RNF216: variants seen among roughly 807,000 people sequenced by gnomAD.
RNF216 encodes E3 ubiquitin-protein ligase RNF216.
Under a neutral mutation model 110.8 loss-of-function variants are expected in RNF216, and 72 were observed. That is an observed-to-expected ratio of 0.65 (90% confidence interval 0.54 to 0.79). The LOEUF (loss-of-function observed/expected upper bound fraction) is 0.79, where lower values mean the gene tolerates loss of function less well. Among genes scored for constraint, RNF216 ranks in the 30% least tolerant of loss-of-function variants. The probability of loss-of-function intolerance (pLI) is 0.00; values close to 1 mark genes in which losing one functional copy is unlikely to be tolerated. For missense variants in RNF216, 1,342 were observed against 1,141.2 expected, an observed-to-expected ratio of 1.18 and a Z score of -2.54; for synonymous variants, 495 against 407.5, an observed-to-expected ratio of 1.21 and a Z score of -2.59.
At chr7:5,779,564 G>A (rs12668235) in intron 1 of RNF216, among the ~76,000 whole-genome samples, 51,947 of 151,222 alleles carry the variant, frequency 0.34, 10,321 homozygotes, top group East Asian at 0.76. Context: ...TTCTGGCAGA[G>A]CACGGTGGCT....
chr7:5,747,306 G>C (rs1420441682), intron 3 of RNF216, among the ~76,000 whole-genome samples: 2 of 152,144 alleles, frequency 1.3e-5, no homozygotes, highest in Non-Finnish European at 2.9e-5. Context: ...ATGATCCTAG[G>C]ATACCTGACT....
At chr7:5,649,179 C>T (rs1475521177) in intron 14 of RNF216, among the ~76,000 whole-genome samples, 2 of 151,952 alleles carry the variant, frequency 1.3e-5, no homozygotes, top group African/African-American at 4.8e-5. Flanking sequence ...GTCAGGAGTT[C>T]GAGACCAGCT....
At chr7:5,693,817 C>G (rs1791472826) in intron 13 of RNF216, among the ~76,000 whole-genome samples, 1 of 152,116 alleles carries the variant, frequency 6.6e-6, no homozygotes, top group African/African-American at 2.4e-5. Context: ...CCAGGCAGCC[C>G]AGGCATGCAA....
At position 5,731,915 on chromosome 7, in the gene RNF216, A is replaced by C. The variant is rs17135721; in HGVS notation, c.1122-1098T>G. On this transcript the variant is annotated intron_variant, in intron 5 of 16. Coordinates refer to ENST00000389902, the MANE Select transcript of RNF216 (RefSeq NM_207111.4). Reference sequence around the variant, plus strand: ...TTTGGGGACCGGTTTGGAGAGGTTCATTGATTCTGCAGCCCCCGCCGGGGA... The same window carrying C: ...TTTGGGGACCGGTTTGGAGAGGTTCCTTGATTCTGCAGCCCCCGCCGGGGA... Among the ~76,000 whole-genome samples, 636 of 152,144 alleles carry C rather than the reference A, an allele frequency of 4.2e-3. 34 individuals are homozygous for C. Among genetic ancestry groups the C allele is most frequent in the African/African-American group, 0.014 (562 of 41,448 alleles).
At chr7:5,689,939 A>C (rs566068856) in intron 13 of RNF216, among the ~76,000 whole-genome samples, 17 of 151,492 alleles carry the variant, frequency 1.1e-4, no homozygotes, top group Middle Eastern at 3.4e-3. Context: ...TCAAACAAAA[A>C]AAAAAAAAGA....
intron 3 of RNF216, among the ~76,000 whole-genome samples, chr7:5,742,586 C>CTTTTTT (rs59545890): frequency 4.5e-5 from 3 of 65,996 alleles, no homozygotes; most frequent in Non-Finnish European, 5.5e-5. Flanking sequence ...GGTGAAAAAT[C>CTTTTTT]TTTTTTTTTT....
intron 2 of RNF216, among the ~76,000 whole-genome samples, chr7:5,755,191 A>G (rs1225076581): frequency 1.5e-5 from 2 of 134,396 alleles, no homozygotes; most frequent in Non-Finnish European, 3.3e-5. Context: ...GGAAGAAGGA[A>G]GGAAGGAAGG....
chr7:5,700,989 G>A (rs138562077), intron 13 of RNF216, among the ~76,000 whole-genome samples: 19 of 152,230 alleles, frequency 1.2e-4, no homozygotes, highest in Non-Finnish European at 2.8e-4. Context: ...TCTTCTGAAT[G>A]TCATCCCTGA....
chr7:5,703,784 A>T (rs1310078420), intron 13 of RNF216, among the ~76,000 whole-genome samples: 1 of 152,234 alleles, frequency 6.6e-6, no homozygotes, highest in Admixed American at 6.5e-5. Flanking sequence ...TCTCGTCGTT[A>T]GCGCTTGCTT....
At chr7:5,741,858 GCCTATCCCT>G in intron 3 of RNF216, 43 bp from the exon 4 acceptor site, 1 of 1,549,794 alleles carries the variant, frequency 6.5e-7, no homozygotes, top group Non-Finnish European at 8.7e-7. Context: ...TCTTTCCTAT[GCCTATCCCT>G]CCTTATGTAC....
intron 13 of RNF216, among the ~76,000 whole-genome samples, chr7:5,670,439 T>C (rs1789831261): frequency 6.6e-6 from 1 of 152,206 alleles, no homozygotes; most frequent in Admixed American, 6.5e-5. Context: ...AGTGCTGAAC[T>C]GGTGGTTGGG....
chr7:5,682,436 C>A (rs1278890000), intron 13 of RNF216, among the ~76,000 whole-genome samples: 2 of 146,542 alleles, frequency 1.4e-5, no homozygotes, highest in East Asian at 3.9e-4. Flanking sequence ...TTGAGACAGT[C>A]TCACTCTGTT....
intron 13 of RNF216, among the ~76,000 whole-genome samples, chr7:5,689,130 A>G (rs1285186914): frequency 6.6e-6 from 1 of 152,098 alleles, no homozygotes; most frequent in Non-Finnish European, 1.5e-5. Context: ...GTGAGCCAAT[A>G]TGCAGAACCA....
At chr7:5,780,237 T>C (rs1175766304) in intron 1 of RNF216, 3 of 152,220 alleles carry the variant, frequency 2.0e-5, no homozygotes, top group Non-Finnish European at 4.4e-5. Context: ...AACCCCATTT[T>C]TGAGGCACAG....
chr7:5,695,139 C>T (rs1374405399), intron 13 of RNF216, among the ~76,000 whole-genome samples: 2 of 152,202 alleles, frequency 1.3e-5, no homozygotes, highest in Non-Finnish European at 2.9e-5. Context: ...GAAGTTAGCA[C>T]TTAACCTATC....
intron 13 of RNF216, among the ~76,000 whole-genome samples, chr7:5,701,274 C>G (rs1473912259): frequency 6.6e-6 from 1 of 152,182 alleles, no homozygotes; most frequent in East Asian, 1.9e-4. Context: ...CACTGGGGAG[C>G]TGGTAGAAAT....
chr7:5,714,722 T>C (rs1380924202), intron 11 of RNF216, among the ~76,000 whole-genome samples: 1 of 152,058 alleles, frequency 6.6e-6, no homozygotes, highest in African/African-American at 2.4e-5. Flanking sequence ...AAGTAAGTTA[T>C]GTTATTTTAA....
chr7:5,669,562 A>G (rs532936181), intron 13 of RNF216, among the ~76,000 whole-genome samples: 1 of 152,248 alleles, frequency 6.6e-6, no homozygotes, highest in East Asian at 1.9e-4. Context: ...CAAGACCTAA[A>G]CTTTGTATCA....
intron 13 of RNF216, 73 bp from the exon 14 acceptor site, chr7:5,652,583 G>C: frequency 6.1e-6 from 6 of 976,522 alleles, no homozygotes; most frequent in Non-Finnish European, 9.9e-6. Flanking sequence ...TCAACAAAAG[G>C]GATATGAAAT....
Sources: gnomAD v4.1 joint callset for allele counts (sites outside exome capture counted in the v4.1 genomes callset) on GRCh38, gnomAD v4.1.1 for gene constraint, MANE v1.5 for transcripts, NCBI Gene and HGNC (gene_info 2026-07-23, HGNC 2026-07-21) for gene names.